Variants in FBXO42 observed in about 807,000 individuals in gnomAD.
FBXO42 encodes the protein F-box only protein 42.
In FBXO42, 12 loss-of-function variants were observed where a neutral mutation model predicts 71.7. The ratio of observed to expected loss-of-function variants is 0.17; its 90% CI spans 0.11 to 0.27. FBXO42 has a LOEUF of 0.27. Ranked by LOEUF, FBXO42 falls within the 10% of genes least tolerant of loss-of-function variation. The probability of loss-of-function intolerance (pLI) is 1.00; values close to 1 mark genes in which losing one functional copy is unlikely to be tolerated. For missense variants in FBXO42, 707 were observed against 911.9 expected (o/e 0.78, Z 2.89); for synonymous variants, 325 against 327.5 (o/e 0.99, Z 0.08).
At chr1:16,278,419 G>A (rs1016137146) in intron 4 of FBXO42, among the ~76,000 whole-genome samples, 1 of 151,778 alleles carries the variant, frequency 6.6e-6, no homozygotes, top group African/African-American at 2.4e-5. Context: ...TGTTAGCACC[G>A]ACGTTTGGGA....
chr1:16,352,163 C>G (rs1267523300), intron 1 of FBXO42, 92 bp downstream of exon 1: 1 of 390,314 alleles, frequency 2.6e-6, no homozygotes, highest in Non-Finnish European at 4.5e-6. Flanking sequence ...TGCGTCAGAC[C>G]CCGGGCGCCC....
At chr1:16,331,423 AAT>A (rs2082499668) in intron 1 of FBXO42, among the ~76,000 whole-genome samples, 4 of 72,060 alleles carry the variant, frequency 5.6e-5, no homozygotes, top group Admixed American at 1.2e-4. Context: ...TCAAAAAGAA[AAT>A]AATAATAATA....
At chr1:16,338,260 C>CAA (rs146432170) in intron 1 of FBXO42, among the ~76,000 whole-genome samples, 1 of 135,048 alleles carries the variant, frequency 7.4e-6, no homozygotes, top group South Asian at 2.4e-4. Flanking sequence ...GACTCCATCT[C>CAA]AAAAAAAAAG....
In FBXO42 at chr1:16,251,275, C is replaced by T; in HGVS notation, c.1549G>A (p.Gly517Ser). 1 of 1,614,190 alleles carries T rather than the reference C, an allele frequency of 6.2e-7. No homozygotes were observed. The highest frequency in any genetic ancestry group is 8.5e-7 in the Non-Finnish European group (1 of 1,180,048). The part of the protein sequence containing the change: ...KPASSSNPMD[G>S]MDNRTVGGSM... ...CCCCCAACTGTCCTATTGTCCATGCCATCCATGGGATTACTACTGGAAGCG... is the reference window on the plus strand; with the variant it reads ...CCCCCAACTGTCCTATTGTCCATGCTATCCATGGGATTACTACTGGAAGCG... Residue 517 changes from glycine to serine, a missense_variant, in exon 10 of 10, where the codon GGC (glycine) becomes AGC (serine). By Grantham distance (56) the Gly-to-Ser change is moderately conservative. Transcript: ENST00000375592. This position sits in a 1 kb window ranked among gnomAD's most constrained non-coding sequence, Gnocchi z 4.5.
chr1:16,296,011 A>ACAT (rs2082125391), intron 3 of FBXO42, among the ~76,000 whole-genome samples: 1 of 152,220 alleles, frequency 6.6e-6, no homozygotes, highest in African/African-American at 2.4e-5. Context: ...GATTGTATAC[A>ACAT]CATCACCAGG....
chr1:16,344,661 A>C (rs1201710993), intron 1 of FBXO42, among the ~76,000 whole-genome samples: 2 of 152,052 alleles, frequency 1.3e-5, no homozygotes, highest in African/African-American at 4.8e-5. Context: ...AAACCTTCTT[A>C]TACATACATA....
In FBXO42 at chr1:16,264,881, A is replaced by G. The variant is rs146437504; in HGVS notation, c.503-8122T>C. On this transcript the variant is annotated intron_variant, in intron 4 of 9. Coordinates refer to ENST00000375592, the MANE Select transcript of FBXO42 (RefSeq NM_018994.3). ...TTTCACATATGATGGTGGTATAATT[A>G]CACGGCATTCTTGTTTACGTTTGCA... Among the ~76,000 whole-genome samples the G allele has an allele frequency of 1.5e-3, 224 of 152,356 alleles. 1 individual carries two copies. The highest frequency in any genetic ancestry group is 6.8e-3 in the Middle Eastern group (2 of 294).
chr1:16,325,676 TGA>T (rs1424318191), intron 1 of FBXO42, among the ~76,000 whole-genome samples: 1 of 152,174 alleles, frequency 6.6e-6, no homozygotes, highest in Non-Finnish European at 1.5e-5. Context: ...GTTTTGTTTT[TGA>T]GAGAGTCTGG....
intron 4 of FBXO42, among the ~76,000 whole-genome samples, chr1:16,278,813 C>T (rs1288500847): frequency 4.0e-5 from 6 of 151,898 alleles, no homozygotes; most frequent in African/African-American, 9.7e-5. Context: ...CTCTTGTTGC[C>T]GAGGCTGGAG....
rs549083175 is a variant in FBXO42 at position 16,260,940 on chromosome 1, GTGA to G, written c.503-4184_503-4182del. ...ACTGGTCTTAAACTCCTGGCCTCAA[GTGA>G]TTCTCCCACCTCTGCCACCTCCCAA... On this transcript the variant is annotated intron_variant, in intron 4 of 9. Coordinates refer to ENST00000375592, the MANE Select transcript of FBXO42 (RefSeq NM_018994.3). Among the ~76,000 whole-genome samples the G allele has an allele frequency of 8.2e-3, 1,252 of 152,180 alleles. 10 individuals are homozygous for G. The highest frequency in any genetic ancestry group is 0.012 in the Non-Finnish European group (823 of 68,008).
chr1:16,261,234 G>A (rs1273309393), intron 4 of FBXO42, among the ~76,000 whole-genome samples: 2 of 148,274 alleles, frequency 1.3e-5, no homozygotes, highest in Non-Finnish European at 3.1e-5. Context: ...CAAGGCTCTG[G>A]GACACACTCC....
intron 2 of FBXO42, among the ~76,000 whole-genome samples, chr1:16,311,794 C>T (rs957596474): frequency 6.6e-6 from 1 of 152,078 alleles, no homozygotes; most frequent in Non-Finnish European, 1.5e-5. Flanking sequence ...CCACTTAAAA[C>T]AGTTTGGCAG....
chr1:16,315,373 C>A lies in FBXO42; in HGVS notation c.46G>T (p.Asp16Tyr). 1 of 1,614,174 alleles carries A rather than the reference C, an allele frequency of 6.2e-7. No homozygotes were observed. Among genetic ancestry groups the A allele is most frequent in the South Asian group, 1.1e-5 (1 of 91,062 alleles). The change falls in exon 2 of 10, where the codon GAC becomes TAC. Residue 16 changes from aspartate (D) to tyrosine (Y), a missense_variant. Transcript: ENST00000375592. The part of the protein sequence containing the change: ...DSEDDSFMAV[D>Y]QEETVLEGTM... ...CCTTCCAGCACAGTTTCTTCCTGGT[C>A]CACAGCCATGAAACTGTCATCTTCA...
chr1:16,327,767 A>C (rs936667067), intron 1 of FBXO42, among the ~76,000 whole-genome samples: 14 of 152,210 alleles, frequency 9.2e-5, no homozygotes, highest in Admixed American at 7.9e-4. Context: ...CAATGGTGCA[A>C]TCTCTGCTCA....
chr1:16,321,497 T>C (rs944077240), intron 1 of FBXO42, among the ~76,000 whole-genome samples: 4 of 152,188 alleles, frequency 2.6e-5, no homozygotes, highest in African/African-American at 9.7e-5. Context: ...TTAAAAGAAG[T>C]CCTTCTCACC....
intron 3 of FBXO42, among the ~76,000 whole-genome samples, chr1:16,296,917 C>A: frequency 7.0e-6 from 1 of 143,282 alleles, no homozygotes; most frequent in Non-Finnish European, 1.5e-5. Flanking sequence ...TAAACTCCCC[C>A]CTCCCCCGCA....
At chr1:16,253,477 C>T (rs2081611420) in intron 7 of FBXO42, 158 bp downstream of exon 7, 1 of 641,082 alleles carries the variant, frequency 1.6e-6, no homozygotes, top group Non-Finnish European at 2.7e-6. Flanking sequence ...AATAATATGA[C>T]CCATTAGAAG....
At chr1:16,339,546 C>T (rs1272752984) in intron 1 of FBXO42, among the ~76,000 whole-genome samples, 1 of 151,488 alleles carries the variant, frequency 6.6e-6, no homozygotes, top group Non-Finnish European at 1.5e-5. Flanking sequence ...GTCTTGACCT[C>T]ATGATCAGCC....
At chr1:16,263,747 G>A (rs1422729508) in intron 4 of FBXO42, among the ~76,000 whole-genome samples, 5 of 136,678 alleles carry the variant, frequency 3.7e-5, no homozygotes, top group African/African-American at 1.3e-4. Flanking sequence ...AAAAAAAACC[G>A]AAAAACCAAA....
Sources: allele counts gnomAD v4.1 joint callset (sites outside exome capture counted in the v4.1 genomes callset), GRCh38; gene constraint gnomAD v4.1.1; non-coding constraint Gnocchi (gnomAD v3.1); transcripts MANE v1.5; gene names NCBI Gene and HGNC (gene_info 2026-07-23, HGNC 2026-07-21).